The following ATXN1 variants were observed in gnomAD, a reference collection of about 807,000 sequenced individuals.
ATXN1 encodes ataxin 1.
In ATXN1, 8 loss-of-function variants were observed where a neutral mutation model predicts 56.4. The ratio of observed to expected loss-of-function variants is 0.14; its 90% CI spans 0.08 to 0.26. ATXN1 has a LOEUF of 0.26. ATXN1 is among the 10% of genes least tolerant of loss of function. The pLI is 1.00. For synonymous variants in ATXN1, 514 were observed against 494.6 expected (o/e 1.04, Z -0.52); for missense variants, 987 against 1,106.5 (o/e 0.89, Z 1.53).
chr6:16,352,939 G>C (rs1221482211), intron 6 of ATXN1, among the ~76,000 whole-genome samples: 1 of 152,148 alleles, frequency 6.6e-6, no homozygotes, highest in Non-Finnish European at 1.5e-5. Context: ...TTGAACACAA[G>C]CACTTCCATC....
intron 2 of ATXN1, among the ~76,000 whole-genome samples, chr6:16,751,314 C>T (rs1760711631): frequency 6.6e-6 from 1 of 152,090 alleles, no homozygotes; most frequent in African/African-American, 2.4e-5. Context: ...TCTTAAGAGG[C>T]TTACCTTTGC....
chr6:16,557,219 G>T (rs1234261843), intron 4 of ATXN1, among the ~76,000 whole-genome samples: 1 of 151,702 alleles, frequency 6.6e-6, no homozygotes, highest in African/African-American at 2.4e-5. Context: ...CCCAGTTACT[G>T]GGGAGGCTAA....
At chr6:16,639,924 TGACTGCCTGTTGTTG>T (rs1479001414) in intron 3 of ATXN1, among the ~76,000 whole-genome samples, 1 of 152,180 alleles carries the variant, frequency 6.6e-6, no homozygotes, top group Admixed American at 6.5e-5. Context: ...GCATCACATG[TGACTGCCTGTTGTTG>T]GACAGAGGCA....
At chr6:16,490,766 C>G (rs980665170) in intron 5 of ATXN1, among the ~76,000 whole-genome samples, 2 of 152,198 alleles carry the variant, frequency 1.3e-5, no homozygotes, top group Non-Finnish European at 2.9e-5. Flanking sequence ...GGAAGATGGA[C>G]ATATGACCCA....
At chr6:16,663,819 C>G (rs2113370757) in intron 2 of ATXN1, among the ~76,000 whole-genome samples, 1 of 152,242 alleles carries the variant, frequency 6.6e-6, no homozygotes, top group South Asian at 2.1e-4. Context: ...TGTGACCCAT[C>G]ATGTCCGGCC....
At chr6:16,338,330 A>G (rs1172380167) in intron 6 of ATXN1, among the ~76,000 whole-genome samples, 1 of 151,960 alleles carries the variant, frequency 6.6e-6, no homozygotes, top group Non-Finnish European at 1.5e-5. Context: ...TGTCTCTACT[A>G]AAAATACAAA....
chr6:16,449,659 C>T (rs72823523), intron 6 of ATXN1, among the ~76,000 whole-genome samples: 1,745 of 152,228 alleles, frequency 0.011, 13 homozygotes, highest in Non-Finnish European at 0.018. Flanking sequence ...ACATTGTTAG[C>T]GATATCAGCT....
At chr6:16,522,409 C>T (rs149633930) in intron 5 of ATXN1, among the ~76,000 whole-genome samples, 306 of 152,112 alleles carry the variant, frequency 2.0e-3, no homozygotes, top group African/African-American at 6.8e-3. Context: ...AGCATGTGAA[C>T]GGCAAAAAAG....
rs749783600 is a variant in ATXN1, at chr6:16,691,568, A to G, written c.-614-33667T>C. Among the ~76,000 whole-genome samples, 15 of 152,250 alleles carry G rather than the reference A, an allele frequency of 9.9e-5. 1 individual carries two copies. In the Middle Eastern group the frequency reaches 9.5e-3, roughly 96 times the overall value. On this transcript the variant is annotated intron_variant, in intron 2 of 7. Coordinates refer to ENST00000436367, the MANE Select transcript of ATXN1 (RefSeq NM_001128164.2). ...CCTGTTAAGTAGGTACTATTAGTTA[A>G]GCCAGCATAGTTCCTGAGTTGCAAA...
chr6:16,340,718 C>T (rs544717742), intron 6 of ATXN1, among the ~76,000 whole-genome samples: 1 of 152,236 alleles, frequency 6.6e-6, no homozygotes, highest in African/African-American at 2.4e-5. Context: ...CTTAAATAGG[C>T]CAAGTAATAA....
chr6:16,747,743 G>C (rs1760581498), intron 2 of ATXN1, among the ~76,000 whole-genome samples: 1 of 151,908 alleles, frequency 6.6e-6, no homozygotes, highest in Non-Finnish European at 1.5e-5. Context: ...CCAGCTAAGA[G>C]AAAGTGATCT....
chr6:16,329,136 C>T (rs1229399024), intron 6 of ATXN1, among the ~76,000 whole-genome samples: 1 of 151,880 alleles, frequency 6.6e-6, no homozygotes, highest in African/African-American at 2.4e-5. Context: ...TGATGCAGTT[C>T]TTAAATTTCC....
intron 7 of ATXN1, among the ~76,000 whole-genome samples, chr6:16,315,581 C>A (rs1275006288): frequency 6.6e-6 from 1 of 152,148 alleles, no homozygotes; most frequent in Non-Finnish European, 1.5e-5. Flanking sequence ...TTTTGCCTCA[C>A]GTACTGTTGC....
intron 4 of ATXN1, among the ~76,000 whole-genome samples, chr6:16,546,620 A>G (rs1446319616): frequency 6.6e-6 from 1 of 152,246 alleles, no homozygotes; most frequent in African/African-American, 2.4e-5. Context: ...AACTATAAGT[A>G]GAGATATGAA....
chr6:16,611,548 T>C (rs1182445729), intron 3 of ATXN1, among the ~76,000 whole-genome samples: 1 of 152,176 alleles, frequency 6.6e-6, no homozygotes, highest in East Asian at 1.9e-4. Flanking sequence ...TTAGACTATC[T>C]GCAAGAAACC....
At chr6:16,719,211 T>C (rs1222771855) in intron 2 of ATXN1, among the ~76,000 whole-genome samples, 1 of 152,226 alleles carries the variant, frequency 6.6e-6, no homozygotes, top group Non-Finnish European at 1.5e-5. Flanking sequence ...TCTGTCTTCT[T>C]ATATAGAAAA....
intron 6 of ATXN1, among the ~76,000 whole-genome samples, chr6:16,462,884 A>G (rs1460006467): frequency 6.6e-6 from 1 of 152,026 alleles, no homozygotes; most frequent in Non-Finnish European, 1.5e-5. Context: ...AGGGCCCCCA[A>G]AAATCATCAC....
rs1357720597 is a variant in ATXN1 at position 16,506,851 on chromosome 6, T to C, written c.-299+15776A>G. ...GGAGTAAAGGGCATGCCAATGATTA[T>C]TGATAACATCATTCAACGCCATGTA... On this transcript the variant is annotated intron_variant, in intron 5 of 7. Coordinates refer to ENST00000436367, the MANE Select transcript of ATXN1 (RefSeq NM_001128164.2). This position sits in a 1 kb window ranked among gnomAD's most constrained non-coding sequence, Gnocchi z 4.1. 6.6e-6 allele frequency among the ~76,000 whole-genome samples: 1 copy of C among 152,194 alleles called. No homozygotes were observed. The highest frequency in any genetic ancestry group is 2.4e-5 in the African/African-American group (1 of 41,454).
intron 2 of ATXN1, among the ~76,000 whole-genome samples, chr6:16,685,939 G>C (rs1407038241): frequency 6.6e-6 from 1 of 152,096 alleles, no homozygotes; most frequent in African/African-American, 2.4e-5. Flanking sequence ...GGGACAAAAA[G>C]TATAAGTAAT....
Sources: allele counts gnomAD v4.1 joint callset (sites outside exome capture counted in the v4.1 genomes callset), GRCh38; gene constraint gnomAD v4.1.1; non-coding constraint Gnocchi (gnomAD v3.1); transcripts MANE v1.5; gene names NCBI Gene and HGNC (gene_info 2026-07-23, HGNC 2026-07-21).